The following GRTP1 variants were observed in gnomAD, a reference collection of about 807,000 sequenced individuals.
GRTP1 encodes growth hormone-regulated TBC protein 1.
Under a neutral mutation model 38.1 loss-of-function variants are expected in GRTP1, and 56 were observed. That is an observed-to-expected ratio of 1.47 (90% confidence interval 1.19 to 1.84). The LOEUF (loss-of-function observed/expected upper bound fraction) is 1.84. Ranked by LOEUF, GRTP1 falls within the 40% of genes most tolerant of loss-of-function variation. The probability of loss-of-function intolerance (pLI) is 0.00; values close to 1 mark genes in which losing one functional copy is unlikely to be tolerated. For synonymous variants in GRTP1, 217 were observed against 189.5 expected (o/e 1.14, Z -1.19); for missense variants, 506 against 453.9 (o/e 1.11, Z -1.04).
In GRTP1 at chr13:113,363,663, C is replaced by A. The variant is rs986487876; in HGVS notation, c.181+99G>T. 8.0e-6 allele frequency: 10 copies of A among 1,253,882 alleles called. No homozygotes were observed. The East Asian group carries it at 1.0e-4, about 13-fold the overall frequency. The allele number at this position is 1,253,882 out of a possible 1,614,324, so 77.7% of individuals were successfully genotyped here. A position where few individuals can be genotyped will look rare whatever the true frequency, so the allele number is the denominator to read the frequency against. The stretch of plus-strand genomic sequence containing the variant: ...TCGTCCCGACCTGCCCGGAAAGGTT[C>A]CTCCCCCTCCCTCCGCTCCGGGAGC... On this transcript the variant is annotated intron_variant, in intron 2 of 7. Transcript: ENST00000375431.
At chr13:113,355,113 G>C (rs1206109187) in intron 3 of GRTP1, 1 of 528,840 alleles carries the variant, frequency 1.9e-6, no homozygotes, top group Non-Finnish European at 3.3e-6. Context: ...TAGCCAGCTA[G>C]GCACGTGAAT....
At chr13:113,347,733 T>C (rs1169517898) in intron 4 of GRTP1, among the ~76,000 whole-genome samples, 1 of 129,706 alleles carries the variant, frequency 7.7e-6, no homozygotes, top group Non-Finnish European at 1.6e-5. Flanking sequence ...AGGACCTCTG[T>C]GGCCAAGAAC....
intron 2 of GRTP1, 76 bp from the exon 3 acceptor site, chr13:113,355,557 C>A: frequency 7.0e-7 from 1 of 1,438,566 alleles, no homozygotes; most frequent in Non-Finnish European, 9.2e-7. Flanking sequence ...GCCACACTTT[C>A]CACTCTCACC....
At position 113,331,768 on chromosome 13, in the gene GRTP1, G is replaced by T. The variant is rs536337457; in HGVS notation, c.563-5677C>A. ...CCTCCCAGGTTAAAGCGATTCTCCT[G>T]CCTCAGCCTCCTGAGTAGCTGGGAT... On this transcript the variant is annotated intron_variant, in intron 5 of 7. Transcript: ENST00000375431. 3.4e-5 allele frequency among the ~76,000 whole-genome samples: 5 copies of T among 146,214 alleles called. No homozygotes were observed. The East Asian group carries it at 1.1e-3, about 31-fold the overall frequency.
In GRTP1 at chr13:113,342,177, G is replaced by A. The variant is rs1006266382; in HGVS notation, c.562+2686C>T. On this transcript the variant is annotated intron_variant, in intron 5 of 7. Transcript: ENST00000375431. This position sits in a 1 kb window ranked among gnomAD's most constrained non-coding sequence, Gnocchi z 4.5. Reference sequence around the variant, plus strand: ...AGGCTGGTCTTGAACTCCCCTAAATGCCTGCCTCGGTCTTGCAAAGTGCTA... The same window carrying A: ...AGGCTGGTCTTGAACTCCCCTAAATACCTGCCTCGGTCTTGCAAAGTGCTA... Among the ~76,000 whole-genome samples, 2 of 152,016 alleles carry A rather than the reference G, an allele frequency of 1.3e-5. No homozygotes were observed. Among genetic ancestry groups the A allele is most frequent in the African/African-American group, 4.8e-5 (2 of 41,378 alleles).
intron 3 of GRTP1, 87 bp downstream of exon 3, chr13:113,355,236 C>T: frequency 1.4e-6 from 2 of 1,421,386 alleles, no homozygotes; most frequent in East Asian, 2.3e-5. Flanking sequence ...ACCGCTCACC[C>T]CTGGACGCTG....
At chr13:113,355,635 T>A in intron 2 of GRTP1, 154 bp from the exon 3 acceptor site, 1 of 855,240 alleles carries the variant, frequency 1.2e-6, no homozygotes, top group Non-Finnish European at 1.7e-6. Flanking sequence ...AACTGGTACA[T>A]ATACTCCTTT....
Position 113,364,036 on chromosome 13 carries a change from G to C in GRTP1, c.16C>G (p.Arg6Gly). ...GCCACACACCTGGGGACCCGCGAGC[G>C]CTCGGCGGGCTGCATGCGGGGAGGG... is the stretch of plus-strand genomic sequence containing the variant. MQPAE[R>G]SRVPRIDPYG... Residue 6 changes from arginine to glycine, a missense_variant, in exon 1 of 8, where the codon CGC becomes GGC. Arg to Gly is a moderately radical substitution (Grantham distance 125, BLOSUM62 -2). Coordinates refer to ENST00000375431, the MANE Select transcript of GRTP1 (RefSeq NM_024719.4). The C allele has an allele frequency of 7.7e-7, 1 of 1,292,288 alleles. No individual in the cohort carries two copies. Among genetic ancestry groups the C allele is most frequent in the Admixed American group, 4.0e-5 (1 of 24,922 alleles). The allele number at this position is 1,292,288 out of a possible 1,614,324, so 80.1% of individuals were successfully genotyped here.
intron 4 of GRTP1, among the ~76,000 whole-genome samples, chr13:113,345,674 G>A (rs977592506): frequency 3.9e-5 from 6 of 152,240 alleles, no homozygotes; most frequent in East Asian, 1.9e-4. Flanking sequence ...TCGGAAGTGC[G>A]GAGGGGCAGC....
rs1186978435 is a variant in GRTP1, at chr13:113,355,372, C to G, written c.291G>C (p.Gln97His). 1.2e-6 allele frequency: 2 copies of G among 1,614,022 alleles called. No individual in the cohort carries two copies. The highest frequency in any genetic ancestry group is 1.7e-5 in the Admixed American group (1 of 60,006). The change falls in exon 3 of 8, where the codon CAG becomes CAC. Residue 97 changes from glutamine to histidine, a missense_variant. By Grantham distance (24) the Gln-to-His change is conservative (BLOSUM62 0). Coordinates refer to ENST00000375431, the MANE Select transcript of GRTP1 (RefSeq NM_024719.4). ...TGGGGTTTCTCTCTCCCTGGAGAAG[C>G]TGGTGGTAGTAGCCGGGATTCTGGT... ...QMDQNPGYYH[Q>H]LLQGERNPRL...
intron 4 of GRTP1, among the ~76,000 whole-genome samples, chr13:113,347,444 G>C (rs1280636730): frequency 1.6e-4 from 16 of 100,358 alleles, no homozygotes; most frequent in East Asian, 4.8e-4. Flanking sequence ...CTGTGGCTGA[G>C]AGCAGACCCA....
chr13:113,353,942 T>C (rs1018583439), intron 3 of GRTP1, among the ~76,000 whole-genome samples: 1 of 151,922 alleles, frequency 6.6e-6, no homozygotes, highest in Non-Finnish European at 1.5e-5. Context: ...CACCTGTGGT[T>C]CAGACCACTT....
chr13:113,336,846 G>C (rs2042962240), intron 5 of GRTP1, among the ~76,000 whole-genome samples: 1 of 152,088 alleles, frequency 6.6e-6, no homozygotes, highest in African/African-American at 2.4e-5. Context: ...GGGTGAGAGG[G>C]CTCTGGGAAA....
At chr13:113,346,045 C>T (rs1355259803) in intron 4 of GRTP1, among the ~76,000 whole-genome samples, 32 of 75,670 alleles carry the variant, frequency 4.2e-4, no homozygotes, top group East Asian at 1.2e-3. Flanking sequence ...CATCTGTGGC[C>T]GAGAGCAGAC....
chr13:113,329,322 A>G (rs1453095291), intron 5 of GRTP1, among the ~76,000 whole-genome samples: 1 of 152,206 alleles, frequency 6.6e-6, no homozygotes, highest in African/African-American at 2.4e-5. Context: ...TCACACCTGT[A>G]ATCGCAGCAC....
intron 5 of GRTP1, 46 bp downstream of exon 5, chr13:113,344,817 C>A: frequency 6.5e-7 from 1 of 1,544,918 alleles, no homozygotes; most frequent in Non-Finnish European, 8.7e-7. Context: ...TTTGGCAGCA[C>A]CAGAAACAGG....
chr13:113,332,404 T>TACACACGTGCACACACACACC (rs2042890257), intron 5 of GRTP1, among the ~76,000 whole-genome samples: 1 of 132,210 alleles, frequency 7.6e-6, no homozygotes, highest in Non-Finnish European at 1.6e-5. Flanking sequence ...CACACACAGG[T>TACACACGTGCACACACACACC]ACACACGTGC....
chr13:113,357,657 C>A (rs971862499), intron 2 of GRTP1, among the ~76,000 whole-genome samples: 11 of 152,046 alleles, frequency 7.2e-5, no homozygotes, highest in Admixed American at 7.2e-4. Flanking sequence ...CAAGTTAGTA[C>A]GATTCATACT....
intron 5 of GRTP1, among the ~76,000 whole-genome samples, chr13:113,336,304 T>TTTTTG (rs1555315314): frequency 3.5e-5 from 2 of 57,232 alleles, no homozygotes; most frequent in Non-Finnish European, 5.8e-5. Flanking sequence ...GGTAGTTTTT[T>TTTTTG]TTTTTTTTTT....
Sources: allele counts gnomAD v4.1 joint callset (sites outside exome capture counted in the v4.1 genomes callset), GRCh38; gene constraint gnomAD v4.1.1; non-coding constraint Gnocchi (gnomAD v3.1); transcripts MANE v1.5; gene names NCBI Gene and HGNC (gene_info 2026-07-23, HGNC 2026-07-21).